The following SLC30A9 variants were observed in gnomAD, a reference collection of about 807,000 sequenced individuals.
The protein encoded by SLC30A9 is solute carrier family 30 member 9.
Under a neutral mutation model 87.5 loss-of-function variants are expected in SLC30A9, and 58 were observed. That is an observed-to-expected ratio of 0.66 (90% CI 0.54 to 0.82). SLC30A9 has a LOEUF of 0.82. SLC30A9 is among the 40% of genes least tolerant of loss of function. SLC30A9 has a pLI of 0.00. For missense variants in SLC30A9, 557 were observed against 679.1 expected, an observed-to-expected ratio of 0.82 and a Z score of 2.00; for synonymous variants, 234 against 233.0, an observed-to-expected ratio of 1.00 and a Z score of -0.04.
intron 2 of SLC30A9, among the ~76,000 whole-genome samples, chr4:42,015,800 T>C (rs1454677067): frequency 6.6e-6 from 1 of 152,146 alleles, no homozygotes; most frequent in Non-Finnish European, 1.5e-5. Flanking sequence ...CAGAAACTGC[T>C]GTTTTCAGGA....
intron 8 of SLC30A9, among the ~76,000 whole-genome samples, chr4:42,041,336 G>C (rs1468168302): frequency 6.6e-6 from 1 of 152,078 alleles, no homozygotes; most frequent in Non-Finnish European, 1.5e-5. Flanking sequence ...CCAGGCTGGA[G>C]TGCAGTGGTG....
At chr4:42,075,207 G>A (rs1361222028) in intron 15 of SLC30A9, among the ~76,000 whole-genome samples, 1 of 149,464 alleles carries the variant, frequency 6.7e-6, no homozygotes, top group African/African-American at 2.5e-5. Flanking sequence ...CTGAGTAGCT[G>A]GGATTACAGG....
At chr4:42,028,991 G>A (rs1716304489) in intron 6 of SLC30A9, among the ~76,000 whole-genome samples, 1 of 152,234 alleles carries the variant, frequency 6.6e-6, no homozygotes, top group African/African-American at 2.4e-5. Flanking sequence ...CATTTCAACA[G>A]TAGATACATT....
chr4:42,010,377 C>A (rs1401677590), intron 2 of SLC30A9, among the ~76,000 whole-genome samples: 1 of 151,870 alleles, frequency 6.6e-6, no homozygotes, highest in African/African-American at 2.4e-5. Context: ...CTTGGGAGGC[C>A]GAGACGGGAG....
At chr4:42,066,942 G>T (rs1026754840) in intron 13 of SLC30A9, 143 bp from the exon 14 acceptor site, 1 of 575,792 alleles carries the variant, frequency 1.7e-6, no homozygotes, top group Non-Finnish European at 3.0e-6. Flanking sequence ...ATTGAGCAAG[G>T]TTTTTAAAAT....
chr4:42,074,901 A>C (rs1236197490), intron 15 of SLC30A9, among the ~76,000 whole-genome samples: 1 of 151,154 alleles, frequency 6.6e-6, no homozygotes, highest in Non-Finnish European at 1.5e-5. Context: ...ATACTCTACA[A>C]CACCATTATA....
intron 1 of SLC30A9, 96 bp from the exon 2 acceptor site, chr4:42,001,520 A>G: frequency 1.7e-6 from 1 of 592,928 alleles, no homozygotes; most frequent in Non-Finnish European, 2.9e-6. Context: ...ATGTGTACCT[A>G]GAAGCAGTGA....
chr4:42,060,149 T>C lies in SLC30A9; in HGVS notation c.841-42T>C, dbSNP rs746393515. 42 of 1,483,302 alleles carry C rather than the reference T, an allele frequency of 2.8e-5. 2 individuals carry two copies. The Middle Eastern group carries it at 2.4e-3, about 84-fold the overall frequency. 91.9% of individuals were successfully genotyped at this position (1,483,302 alleles called of 1,614,324 possible). ...TGGCTTTACCATATTATACTCTCCA[T>C]CTTGCTAATGATTATTCACCTTTTT... On this transcript the variant is annotated intron_variant, in intron 9 of 17. Coordinates refer to ENST00000264451, the MANE Select transcript of SLC30A9 (RefSeq NM_006345.4).
rs533424523 is a variant in SLC30A9, at chr4:42,042,482, C to T, written c.737+3429C>T. Among the ~76,000 whole-genome samples the T allele has an allele frequency of 3.9e-5, 6 of 152,264 alleles. No homozygotes were observed. The South Asian group carries it at 1.2e-3, about 32-fold the overall frequency. The stretch of plus-strand genomic sequence containing the variant: ...GAAGTTCGAACTGGACAGAACCCAC[C>T]GTAGCTCAGCAAAGCCACTGTAGCC... On this transcript the variant is annotated intron_variant, in intron 8 of 17. Transcript: ENST00000264451.
intron 8 of SLC30A9, among the ~76,000 whole-genome samples, chr4:42,047,514 C>T (rs1170011027): frequency 6.6e-6 from 1 of 152,166 alleles, no homozygotes; most frequent in Non-Finnish European, 1.5e-5. Flanking sequence ...AAATGCAAAT[C>T]GAAACCACAA....
intron 1 of SLC30A9, among the ~76,000 whole-genome samples, chr4:41,993,230 A>G (rs938869331): frequency 2.0e-5 from 3 of 151,432 alleles, no homozygotes; most frequent in Non-Finnish European, 2.9e-5. Context: ...TATTCAAAAT[A>G]TTTCAACATG....
At chr4:42,082,826 T>G (rs963430367) in intron 17 of SLC30A9, among the ~76,000 whole-genome samples, 2 of 148,844 alleles carry the variant, frequency 1.3e-5, no homozygotes, top group Non-Finnish European at 3.0e-5. Context: ...TCAGCCTGGG[T>G]GACAGAGCAA....
chr4:42,035,304 G>A lies in SLC30A9; in HGVS notation c.640G>A (p.Glu214Lys), dbSNP rs1230750464. 6.2e-7 allele frequency: 1 copy of A among 1,602,632 alleles called. No individual in the cohort carries two copies. Among genetic ancestry groups the A allele is most frequent in the East Asian group, 2.2e-5 (1 of 44,552 alleles). Residue 214 changes from glutamate to lysine, a missense_variant, in exon 7 of 18, where the codon GAA becomes AAA. By Grantham distance (56) the Glu-to-Lys change is moderately conservative. This residue lies in a region of SLC30A9 where 467 missense variants were observed against 529.8 expected (regional missense o/e 0.88). Transcript: ENST00000264451. ...RLFRNQKILR[E>K]YRDFLGNTKP... is the part of the protein sequence containing the mutation. ...ATTTAGAAACCAAAAAATATTAAGA[G>A]AATACAGAGATTTCTTGGGAAATAC...
chr4:42,068,047 A>C (rs1718153379), intron 14 of SLC30A9, among the ~76,000 whole-genome samples: 2 of 152,186 alleles, frequency 1.3e-5, no homozygotes, highest in African/African-American at 2.4e-5. Flanking sequence ...TCTTTGATTT[A>C]ACTCACCACC....
chr4:42,018,309 C>A, intron 3 of SLC30A9, 139 bp downstream of exon 3: 1 of 765,976 alleles, frequency 1.3e-6, no homozygotes, highest in East Asian at 3.2e-5. Context: ...ATAGATTGAC[C>A]ATAAGGATTT....
chr4:42,062,847 T>A (rs1577716434), intron 10 of SLC30A9, 139 bp from the exon 11 acceptor site: 2 of 692,716 alleles, frequency 2.9e-6, no homozygotes, highest in East Asian at 5.7e-5. Flanking sequence ...CTTTTCAAGT[T>A]TGGCACTTAA....
chr4:42,046,338 A>G (rs1717151005), intron 8 of SLC30A9, among the ~76,000 whole-genome samples: 1 of 152,242 alleles, frequency 6.6e-6, no homozygotes, highest in East Asian at 1.9e-4. Flanking sequence ...AGAAAACCCC[A>G]TAATCTCAGC....
At chr4:42,078,465 G>C (rs1718642808) in intron 17 of SLC30A9, 140 bp downstream of exon 17, 1 of 489,202 alleles carries the variant, frequency 2.0e-6, no homozygotes, top group Non-Finnish European at 3.7e-6. Context: ...GTATTTATAA[G>C]CAAGAAAATG....
rs888713750 is a variant in SLC30A9, at chr4:42,034,834, T to A, written c.611-441T>A. On this transcript the variant is annotated intron_variant, in intron 6 of 17. Transcript: ENST00000264451. ...ATTATATGGTAATTCTATGTTACAG[T>A]TTTTTTTAGGAACCTTCATATTTTT... Among the ~76,000 whole-genome samples the A allele has an allele frequency of 2.3e-3, 357 of 152,250 alleles. 2 individuals are homozygous for A. Among genetic ancestry groups the A allele is most frequent in the African/African-American group, 8.1e-3 (335 of 41,542 alleles).
Sources: gnomAD v4.1 joint callset for allele counts (sites outside exome capture counted in the v4.1 genomes callset) on GRCh38, gnomAD v4.1.1 for gene constraint, gnomAD v4.1.1 regional missense constraint, MANE v1.5 for transcripts, NCBI Gene and HGNC (gene_info 2026-07-23, HGNC 2026-07-21) for gene names.